The following SNX19 variants were observed in gnomAD, a reference collection of about 807,000 sequenced individuals.
The protein encoded by SNX19 is sorting nexin 19, also known as sorting nexin-19.
A neutral mutation model predicts 85.2 loss-of-function variants in SNX19; 60 were observed. The observed-to-expected ratio is 0.70, with a 90% CI of 0.57 to 0.87. The LOEUF (loss-of-function observed/expected upper bound fraction) is 0.87. Ranked by LOEUF, SNX19 falls within the 40% of genes least tolerant of loss-of-function variation. The pLI is 0.00. For missense variants in SNX19, 1,201 were observed against 1,217.8 expected, an observed-to-expected ratio of 0.99 and a Z score of 0.21; for synonymous variants, 520 against 470.0, an observed-to-expected ratio of 1.11 and a Z score of -1.38.
intron 7 of SNX19, among the ~76,000 whole-genome samples, chr11:130,904,909 T>C (rs946291400): frequency 6.6e-6 from 1 of 152,124 alleles, no homozygotes; most frequent in East Asian, 1.9e-4. Context: ...ATCACTTCAT[T>C]TAGTTAACTG....
In SNX19 at chr11:130,872,974, G is replaced by A. The variant is rs1426340777; in HGVS notation, c.*5448C>T. ...TTGGCTGAATGGGTTCCTGAAACAA[G>A]GCATCTCCAAATGCTCCCTGCCCCT... On this transcript the variant is annotated 3_prime_UTR_variant, in exon 11 of 11. Coordinates refer to ENST00000265909, the MANE Select transcript of SNX19 (RefSeq NM_014758.3). 6.6e-6 allele frequency among the ~76,000 whole-genome samples: 1 copy of A among 152,154 alleles called. No individual in the cohort carries two copies. The highest frequency in any genetic ancestry group is 1.5e-5 in the Non-Finnish European group (1 of 68,026).
chr11:130,914,301 T>C lies in SNX19; in HGVS notation c.1639A>G (p.Thr547Ala), dbSNP rs370622219. The change falls in exon 1 of 11, where the codon ACT becomes GCT. Residue 547 changes from threonine to alanine, a missense_variant. This residue lies in a region of SNX19 where 791 missense variants were observed against 750.9 expected (regional missense o/e 1.05). Coordinates refer to ENST00000265909, the MANE Select transcript of SNX19 (RefSeq NM_014758.3). ...GTITAREHSG[T>A]GFHPYTLYTV... Reference sequence around the variant, plus strand: ...TAGAGTGTGTATGGGTGGAATCCAGTGCCACTGTGCTCTCGGGCTGTAATG... The same window carrying C: ...TAGAGTGTGTATGGGTGGAATCCAGCGCCACTGTGCTCTCGGGCTGTAATG... 9 of 1,601,696 alleles carry C rather than the reference T, an allele frequency of 5.6e-6. No homozygotes were observed. Among genetic ancestry groups the C allele is most frequent in the African/African-American group, 1.3e-5 (1 of 74,788 alleles).
intron 8 of SNX19, among the ~76,000 whole-genome samples, chr11:130,882,287 T>C (rs890242394): frequency 6.6e-6 from 1 of 152,346 alleles, no homozygotes; most frequent in South Asian, 2.1e-4. Flanking sequence ...GAAGACTCGT[T>C]TGATCCTGCA....
Position 130,915,716 on chromosome 11 carries a change from C to T in SNX19, c.224G>A (p.Gly75Asp). 1 of 1,614,238 alleles carries T rather than the reference C, an allele frequency of 6.2e-7. No homozygotes were observed. Residue 75 changes from glycine to aspartate, a missense_variant, in exon 1 of 11, where the codon GGT (glycine) becomes GAT (aspartate). Gly to Asp is a moderately conservative substitution (Grantham distance 94). Coordinates refer to ENST00000265909, the MANE Select transcript of SNX19 (RefSeq NM_014758.3). ...LGSSLAGVAS[G>D]RLHLERFIPL... is the part of the protein sequence containing the mutation. ...GATGAAGCGTTCCAGATGCAGTCGA[C>T]CTGAAGCCACTCCAGCGAGGCTGGA...
intron 8 of SNX19, among the ~76,000 whole-genome samples, chr11:130,889,347 C>T (rs1944328798): frequency 2.0e-5 from 3 of 152,050 alleles, no homozygotes; most frequent in Admixed American, 1.3e-4. Flanking sequence ...TTTGTTCATT[C>T]ATTTACTCAA....
rs10791100 is a variant in SNX19 at position 130,869,051 on chromosome 11, T to A, written c.*9371A>T. ...GGCTTACGAGTTAGAATAGATAAGG[T>A]GAAAATTGTCTGCCATGGTATATGC... On this transcript the variant is annotated 3_prime_UTR_variant, in exon 11 of 11. Transcript: ENST00000265909. 0.44 allele frequency: 66,460 copies of A among 152,078 alleles called. 14,815 individuals are homozygous for A. The highest frequency in any genetic ancestry group is 0.56 in the South Asian group (2,709 of 4,826). 9.4% of individuals were successfully genotyped at this position (152,078 alleles called of 1,614,324 possible).
intron 1 of SNX19, among the ~76,000 whole-genome samples, chr11:130,912,341 A>G (rs895162436): frequency 6.6e-6 from 1 of 152,230 alleles, no homozygotes; most frequent in Admixed American, 6.5e-5. Context: ...GTATCACAGA[A>G]GTCACATGAA....
intron 8 of SNX19, among the ~76,000 whole-genome samples, chr11:130,887,919 C>G (rs961340762): frequency 1.3e-5 from 2 of 152,168 alleles, no homozygotes; most frequent in African/African-American, 4.8e-5. Context: ...CAGAACCAAA[C>G]AGCTCTGAGA....
intron 8 of SNX19, among the ~76,000 whole-genome samples, chr11:130,891,159 T>C (rs536256285): frequency 9.6e-4 from 146 of 152,350 alleles, no homozygotes; most frequent in African/African-American, 3.4e-3. Flanking sequence ...ATCCTTTATA[T>C]TTGGCATTCC....
intron 9 of SNX19, among the ~76,000 whole-genome samples, 159 bp from the exon 10 acceptor site, chr11:130,879,870 A>C (rs1943538232): frequency 6.6e-6 from 1 of 152,218 alleles, no homozygotes; most frequent in Non-Finnish European, 1.5e-5. Context: ...CAAAACAGGA[A>C]AAACCTGAGA....
At chr11:130,904,797 T>C (rs1592348981) in intron 7 of SNX19, among the ~76,000 whole-genome samples, 2 of 152,026 alleles carry the variant, frequency 1.3e-5, no homozygotes, top group Admixed American at 6.6e-5. Flanking sequence ...ATGTTCAACA[T>C]GTACAGGCTG....
At position 130,880,687 on chromosome 11, in the gene SNX19, C is replaced by A. The variant is rs770411427; in HGVS notation, c.2693G>T (p.Arg898Met). ...AGCAGCCAGTTTCTGCTCTTGGGTC[C>A]TTACGGGCCGTGGAAACTTAGGCAA... The part of the protein sequence containing the change: ...GVLPKFPRPV[R>M]TQEQKLAAEK... The change falls in exon 9 of 11, where the codon AGG becomes ATG. Residue 898 changes from arginine (R) to methionine (M), a missense_variant. Physicochemically the swap from Arg to Met is moderately conservative, Grantham distance 91. Around this residue, in one of 3 missense-constraint regions of SNX19, gnomAD observed 285 missense variants for 295.3 expected, o/e 0.97. Transcript: ENST00000265909. 1.8e-5 allele frequency: 29 copies of A among 1,612,550 alleles called. No individual in the cohort carries two copies. In the Admixed American group the frequency reaches 2.3e-4, roughly 13 times the overall value.
chr11:130,906,871 CG>C (rs1373088465), intron 5 of SNX19, 150 bp from the exon 6 acceptor site: 1 of 630,772 alleles, frequency 1.6e-6, no homozygotes, highest in Non-Finnish European at 2.8e-6. Flanking sequence ...AGGAAAGACT[CG>C]GCCCTGCAAT....
rs753082459 is a variant in SNX19, at chr11:130,869,513, T to C, written c.*8909A>G. 1 of 152,200 alleles carries C rather than the reference T, an allele frequency of 6.6e-6. No homozygotes were observed. The highest frequency in any genetic ancestry group is 2.4e-5 in the African/African-American group (1 of 41,452). 9.4% of individuals were successfully genotyped at this position (152,200 alleles called of 1,614,324 possible). On this transcript the variant is annotated 3_prime_UTR_variant, in exon 11 of 11. Transcript: ENST00000265909. The stretch of plus-strand genomic sequence containing the variant: ...GCTTTATTGGGATCTCTAGGGGCTA[T>C]TTTATATTTTCCAATGTCTGAACTG...
intron 4 of SNX19, among the ~76,000 whole-genome samples, chr11:130,908,978 G>T (rs1036386275): frequency 2.0e-5 from 3 of 152,228 alleles, no homozygotes; most frequent in Admixed American, 2.0e-4. Context: ...GAAGAGAGTG[G>T]TCAGCAGACT....
chr11:130,888,708 C>T (rs1944274233), intron 8 of SNX19, among the ~76,000 whole-genome samples: 2 of 152,246 alleles, frequency 1.3e-5, no homozygotes, highest in Middle Eastern at 6.8e-3. Flanking sequence ...ATCTGTGCAT[C>T]TCTAACCCAT....
chr11:130,884,803 C>A (rs1327949307), intron 8 of SNX19, among the ~76,000 whole-genome samples: 2 of 144,446 alleles, frequency 1.4e-5, no homozygotes, highest in African/African-American at 5.2e-5. Flanking sequence ...ACCCAGGAGG[C>A]AGAGGCTGCA....
At chr11:130,889,599 C>T (rs549618382) in intron 8 of SNX19, among the ~76,000 whole-genome samples, 1 of 152,234 alleles carries the variant, frequency 6.6e-6, no homozygotes, top group East Asian at 1.9e-4. Context: ...CAGTTTTTAT[C>T]TCATTCTGTT....
chr11:130,880,888 C>T (rs1943622886), intron 8 of SNX19, 82 bp from the exon 9 acceptor site: 1 of 1,198,260 alleles, frequency 8.3e-7, no homozygotes, highest in East Asian at 2.4e-5. Flanking sequence ...TTTATGTTCC[C>T]CTGCAGATTC....
Sources: allele counts gnomAD v4.1 joint callset (sites outside exome capture counted in the v4.1 genomes callset), GRCh38; gene constraint gnomAD v4.1.1; regional missense constraint gnomAD v4.1.1; transcripts MANE v1.5; gene names NCBI Gene and HGNC (gene_info 2026-07-23, HGNC 2026-07-21).